Variants in SAMD8 observed in about 807,000 individuals in gnomAD.
SAMD8 encodes the protein sphingomyelin synthase-related protein 1.
A neutral mutation model predicts 42.0 loss-of-function variants in SAMD8; 20 were observed. That is an observed-to-expected ratio of 0.48 (90% CI 0.34 to 0.69). The LOEUF (loss-of-function observed/expected upper bound fraction) is 0.69. Among genes scored for constraint, SAMD8 ranks in the 30% least tolerant of loss-of-function variants. SAMD8 has a pLI of 0.01. For missense variants in SAMD8, 328 were observed against 511.6 expected (o/e 0.64, Z 3.46); for synonymous variants, 162 against 173.0 (o/e 0.94, Z 0.50).
At chr10:75,100,182 C>T (rs1209155583) in intron 1 of SAMD8, among the ~76,000 whole-genome samples, 9 of 152,120 alleles carry the variant, frequency 5.9e-5, no homozygotes, top group Admixed American at 5.2e-4. Flanking sequence ...CAGGCTCCAC[C>T]CCCAGGAGGC....
At chr10:75,173,530 T>C (rs1346819425) in intron 4 of SAMD8, among the ~76,000 whole-genome samples, 2 of 152,260 alleles carry the variant, frequency 1.3e-5, no homozygotes, top group Non-Finnish European at 2.9e-5. Context: ...TTGACTGGCA[T>C]CACTAGTTTC....
At chr10:75,129,231 T>A (rs1053246244) in intron 1 of SAMD8, among the ~76,000 whole-genome samples, 1 of 151,914 alleles carries the variant, frequency 6.6e-6, no homozygotes, top group African/African-American at 2.4e-5. Flanking sequence ...AGTGACTCTT[T>A]TGGACTTCTG....
Position 75,103,904 on chromosome 10 carries a change from T to C in SAMD8, c.-16+4176T>C, listed in dbSNP as rs1399375053. On this transcript the variant is annotated intron_variant, in intron 1 of 3. Coordinates refer to the SAMD8 transcript ENST00000447533. Reference sequence around the variant, plus strand: ...GGAGCCCACTCCCACCTGTGGAGACTGAAGACAGTGGCTGAGAGGGGGTGT... The same window carrying C: ...GGAGCCCACTCCCACCTGTGGAGACCGAAGACAGTGGCTGAGAGGGGGTGT... 4.6e-6 allele frequency: 6 copies of C among 1,310,550 alleles called. No homozygotes were observed. In the African/African-American group the frequency reaches 7.5e-5, roughly 16 times the overall value. The allele number at this position is 1,310,550 out of a possible 1,614,324, so 81.2% of individuals were successfully genotyped here. A position where few individuals can be genotyped will look rare whatever the true frequency, so the allele number is the denominator to read the frequency against.
intron 1 of SAMD8, among the ~76,000 whole-genome samples, chr10:75,142,891 G>GGC (rs1840052928): frequency 6.6e-6 from 1 of 152,176 alleles, no homozygotes; most frequent in Non-Finnish European, 1.5e-5. Flanking sequence ...AATGAATGAG[G>GGC]ACAGCATCCT....
intron 1 of SAMD8, chr10:75,150,306 A>T: frequency 5.0e-5 from 9 of 179,210 alleles, no homozygotes; most frequent in Non-Finnish European, 8.8e-5. Context: ...TTTTTGGTAG[A>T]GATAGGATCT....
At chr10:75,124,662 G>A (rs1358248590) in intron 1 of SAMD8, among the ~76,000 whole-genome samples, 2 of 150,484 alleles carry the variant, frequency 1.3e-5, no homozygotes, top group East Asian at 3.9e-4. Flanking sequence ...AGAGCAAAAC[G>A]GTACACATAC....
intron 1 of SAMD8, among the ~76,000 whole-genome samples, chr10:75,146,598 T>C (rs1441493549): frequency 2.0e-5 from 3 of 152,142 alleles, no homozygotes; most frequent in Non-Finnish European, 2.9e-5. Flanking sequence ...AACTTTTTTT[T>C]CCCCATATAT....
intron 1 of SAMD8, among the ~76,000 whole-genome samples, chr10:75,149,404 G>A (rs921674570): frequency 8.5e-5 from 13 of 152,128 alleles, no homozygotes; most frequent in Non-Finnish European, 1.9e-4. Flanking sequence ...TGAGTACATG[G>A]AAATGACAGT....
chr10:75,166,902 C>T (rs1401806205), intron 3 of SAMD8, among the ~76,000 whole-genome samples: 1 of 152,198 alleles, frequency 6.6e-6, no homozygotes, highest in Non-Finnish European at 1.5e-5. Context: ...GTACCACTTT[C>T]ATTAGAATCA....
Position 75,178,643 on chromosome 10 carries a change from T to G in SAMD8, c.*1951T>G, listed in dbSNP as rs1233502893. ...TCTGAGGAGGCTGAGGCAGGAGGAT[T>G]GCTTGAGGCCAGGAGTTAGAAACTA... is the stretch of plus-strand genomic sequence containing the variant. On this transcript the variant is annotated 3_prime_UTR_variant, in exon 6 of 6. Coordinates refer to ENST00000542569, the MANE Select transcript of SAMD8 (RefSeq NM_001174156.2). 1 of 151,960 alleles carries G rather than the reference T, an allele frequency of 6.6e-6. No individual in the cohort carries two copies. The highest frequency in any genetic ancestry group is 2.4e-5 in the African/African-American group (1 of 41,354). The allele number at this position is 151,960 out of a possible 1,614,324, so 9.4% of individuals were successfully genotyped here.
intron 4 of SAMD8, among the ~76,000 whole-genome samples, chr10:75,173,614 G>A (rs1363793996): frequency 1.3e-5 from 2 of 152,122 alleles, no homozygotes; most frequent in Admixed American, 1.3e-4. Flanking sequence ...TTTCTCAAGA[G>A]TAATATATCT....
At chr10:75,141,122 C>A (rs998240175) in intron 1 of SAMD8, among the ~76,000 whole-genome samples, 1 of 152,068 alleles carries the variant, frequency 6.6e-6, no homozygotes, top group South Asian at 2.1e-4. Flanking sequence ...GCAGGTGAAT[C>A]TCCTGAGCTC....
chr10:75,109,206 C>A (rs1298084119), upstream of SAMD8: 8 of 1,480,860 alleles, frequency 5.4e-6, no homozygotes, highest in Admixed American at 1.7e-4. Flanking sequence ...CTCTCTGCCT[C>A]TCCAGTGTCA....
chr10:75,130,968 ATTTAT>A (rs1849262416), intron 1 of SAMD8, among the ~76,000 whole-genome samples: 1 of 152,218 alleles, frequency 6.6e-6, no homozygotes, highest in African/African-American at 2.4e-5. Flanking sequence ...ATTGTTTTAT[ATTTAT>A]TTTATTATCT....
chr10:75,165,888 A>G (rs1294087181), intron 3 of SAMD8, among the ~76,000 whole-genome samples: 1 of 142,636 alleles, frequency 7.0e-6, no homozygotes, highest in Non-Finnish European at 1.5e-5. Flanking sequence ...AGGTGGGAGG[A>G]TTGCTTGAGC....
In SAMD8 at chr10:75,159,096, T is replaced by C. The variant is rs1171817670; in HGVS notation, c.579-5549T>C. ...TTTTTTGAGACAGAGTCTCACTCTG[T>C]TACCCAGGCTGGAGTATAGTGGTGC... On this transcript the variant is annotated intron_variant, in intron 2 of 5. Coordinates refer to ENST00000542569, the MANE Select transcript of SAMD8 (RefSeq NM_001174156.2). Among the ~76,000 whole-genome samples, 7 of 146,254 alleles carry C rather than the reference T, an allele frequency of 4.8e-5. 1 individual carries two copies. The East Asian group carries it at 1.0e-3, about 21-fold the overall frequency.
At chr10:75,102,112 C>G in intron 1 of SAMD8, 1 of 450,880 alleles carries the variant, frequency 2.2e-6, no homozygotes, top group Non-Finnish European at 4.1e-6. Flanking sequence ...GGCCTCTGTC[C>G]CAGCACTGCT....
intron 1 of SAMD8, among the ~76,000 whole-genome samples, chr10:75,112,533 T>TG (rs1010829028): frequency 6.6e-6 from 1 of 152,158 alleles, no homozygotes; most frequent in Non-Finnish European, 1.5e-5. Flanking sequence ...CCTAAAGGAC[T>TG]GGGGGAAGTA....
chr10:75,147,954 G>C (rs192037550), intron 1 of SAMD8, among the ~76,000 whole-genome samples: 103 of 152,226 alleles, frequency 6.8e-4, no homozygotes, highest in Non-Finnish European at 1.1e-3. Context: ...CAGCTAAAAA[G>C]AGTTAAGAGT....
Sources: gnomAD v4.1 joint callset for allele counts (sites outside exome capture counted in the v4.1 genomes callset) on GRCh38, gnomAD v4.1.1 for gene constraint, MANE v1.5 for transcripts, NCBI Gene and HGNC (gene_info 2026-07-23, HGNC 2026-07-21) for gene names.